OXSR1: variants seen among roughly 807,000 people sequenced by gnomAD.
OXSR1 encodes oxidative stress responsive kinase 1.
Under a neutral mutation model 79.8 loss-of-function variants are expected in OXSR1, and 24 were observed. That is an observed-to-expected ratio of 0.30 (90% CI 0.22 to 0.42). The LOEUF (loss-of-function observed/expected upper bound fraction) is 0.42, where lower values mean the gene tolerates loss of function less well. OXSR1 is among the 10% of genes least tolerant of loss of function. The pLI, the probability that OXSR1 is intolerant of heterozygous loss-of-function variation, is 1.00. For missense variants in OXSR1, 430 were observed against 618.4 expected (o/e 0.70, Z 3.23); for synonymous variants, 226 against 209.2 (o/e 1.08, Z -0.69).
chr3:38,231,214 A>G (rs1702799515), intron 10 of OXSR1, among the ~76,000 whole-genome samples: 1 of 152,190 alleles, frequency 6.6e-6, no homozygotes, highest in African/African-American at 2.4e-5. Flanking sequence ...ATGTATATTA[A>G]ATACTTGGAA....
chr3:38,223,097 A>G (rs1702620725), intron 6 of OXSR1, among the ~76,000 whole-genome samples: 1 of 152,126 alleles, frequency 6.6e-6, no homozygotes, highest in Non-Finnish European at 1.5e-5. Flanking sequence ...AAGCTTATGA[A>G]CACTTTCATT....
Position 38,230,412 on chromosome 3 carries a change from T to G in OXSR1, c.933T>G (p.Ile311Met), listed in dbSNP as rs142820192. ...QEKTLQRAPT[I>M]SERAKKVRRV... ...AAACATTGCAGAGAGCACCAACCAT[T>G]TCTGAAAGAGCAAAAAAGGTAAATC... Residue 311 changes from isoleucine to methionine, a missense_variant, in exon 10 of 18, where the codon ATT (isoleucine) becomes ATG (methionine). Physicochemically the swap from Ile to Met is conservative, Grantham distance 10 (BLOSUM62 1). This residue lies in a region of OXSR1 where 276 missense variants were observed against 354.2 expected (regional missense o/e 0.78). Transcript: ENST00000311806. The G allele has an allele frequency of 6.1e-5, 97 of 1,601,716 alleles. No homozygotes were observed. The highest frequency in any genetic ancestry group is 8.1e-5 in the Non-Finnish European group (95 of 1,170,032).
chr3:38,190,772 T>C lies in OXSR1; in HGVS notation c.225T>C (p.Ile75=), dbSNP rs1184331334. ...QAMSQCHHPN[I]VSYYTSFVVK... ...TGAGTCAATGCCATCATCCTAATAT[T>C]GTATCTTACTACACATCTTTTGTGG... The change falls in exon 3 of 18, where the codon ATT becomes ATC. Residue 75 remains isoleucine, a synonymous_variant. Coordinates refer to ENST00000311806, the MANE Select transcript of OXSR1 (RefSeq NM_005109.3). 6.2e-7 allele frequency: 1 copy of C among 1,608,722 alleles called. No individual in the cohort carries two copies. Among genetic ancestry groups the C allele is most frequent in the Non-Finnish European group, 8.5e-7 (1 of 1,175,292 alleles).
At chr3:38,246,001 G>C in intron 12 of OXSR1, 74 bp from the exon 13 acceptor site, 1 of 1,355,276 alleles carries the variant, frequency 7.4e-7, no homozygotes, top group East Asian at 2.3e-5. Context: ...ACCCTGAAAG[G>C]CTGAACTTGC....
chr3:38,216,265 A>T, intron 5 of OXSR1, 114 bp downstream of exon 5: 1 of 666,202 alleles, frequency 1.5e-6, no homozygotes, highest in Non-Finnish European at 2.6e-6. Flanking sequence ...TCTCTATTCA[A>T]GCATCCTCTG....
intron 14 of OXSR1, 74 bp from the exon 15 acceptor site, chr3:38,249,892 T>C: frequency 1.1e-6 from 1 of 889,840 alleles, no homozygotes; most frequent in South Asian, 1.4e-5. Context: ...CACAGCTTTC[T>C]TAATATATGT....
intron 8 of OXSR1, among the ~76,000 whole-genome samples, chr3:38,226,709 G>A (rs1702696225): frequency 1.3e-5 from 2 of 151,846 alleles, no homozygotes; most frequent in Admixed American, 6.6e-5. Context: ...CCCAAATCGA[G>A]GAATATGCAG....
chr3:38,180,015 G>A (rs1269518882), intron 1 of OXSR1, among the ~76,000 whole-genome samples: 1 of 152,044 alleles, frequency 6.6e-6, no homozygotes, highest in Non-Finnish European at 1.5e-5. Flanking sequence ...CACTATGTTG[G>A]CCAGATGGTG....
intron 1 of OXSR1, among the ~76,000 whole-genome samples, chr3:38,172,039 A>G (rs1286244201): frequency 6.6e-6 from 1 of 152,166 alleles, no homozygotes; most frequent in Non-Finnish European, 1.5e-5. Flanking sequence ...GATTGAGTGT[A>G]ATTATTTGTG....
intron 2 of OXSR1, among the ~76,000 whole-genome samples, chr3:38,189,801 A>G (rs1246837569): frequency 6.6e-6 from 1 of 152,238 alleles, no homozygotes; most frequent in Non-Finnish European, 1.5e-5. Flanking sequence ...AGGCAATTAT[A>G]GTATAGTCAG....
chr3:38,215,489 C>T (rs988772276), intron 4 of OXSR1, among the ~76,000 whole-genome samples: 3 of 152,148 alleles, frequency 2.0e-5, no homozygotes, highest in African/African-American at 4.8e-5. Context: ...ATATTGTTTA[C>T]ATTGGGAGAA....
chr3:38,223,943 G>C (rs1559519470), intron 7 of OXSR1, 30 bp downstream of exon 7: 2 of 1,349,338 alleles, frequency 1.5e-6, no homozygotes, highest in Admixed American at 2.0e-5. Context: ...TACTACCCCA[G>C]CTCAAGTCCC....
At position 38,253,572 on chromosome 3, in the gene OXSR1, T is replaced by C. The variant is rs1446238147; in HGVS notation, c.*681T>C. 1 of 152,710 alleles carries C rather than the reference T, an allele frequency of 6.5e-6. No individual in the cohort carries two copies. Among genetic ancestry groups the C allele is most frequent in the Non-Finnish European group, 1.5e-5 (1 of 68,088 alleles). 9.5% of individuals were successfully genotyped at this position (152,710 alleles called of 1,614,324 possible). On this transcript the variant is annotated 3_prime_UTR_variant, in exon 18 of 18. Transcript: ENST00000311806. The stretch of plus-strand genomic sequence containing the variant: ...TCAGCTGGTGCAAAACATCTGACTG[T>C]AGCCGAACTTCAGCCATCAGATCCT...
chr3:38,210,301 T>C (rs539420366), intron 4 of OXSR1, among the ~76,000 whole-genome samples: 1 of 152,176 alleles, frequency 6.6e-6, no homozygotes, highest in Non-Finnish European at 1.5e-5. Flanking sequence ...GAAGGCTTGA[T>C]GGGACTGAGA....
intron 15 of OXSR1, 163 bp downstream of exon 15, chr3:38,250,181 C>A (rs1429072558): frequency 5.1e-6 from 3 of 589,990 alleles, no homozygotes; most frequent in Non-Finnish European, 9.1e-6. Context: ...AGTTCGTTGA[C>A]TACTAAACAC....
chr3:38,177,540 A>G (rs990225755), intron 1 of OXSR1, among the ~76,000 whole-genome samples: 3 of 152,192 alleles, frequency 2.0e-5, no homozygotes, highest in African/African-American at 4.8e-5. Context: ...AATGCTAAAT[A>G]TGTTCTTTTC....
intron 11 of OXSR1, among the ~76,000 whole-genome samples, 161 bp from the exon 12 acceptor site, chr3:38,242,582 G>A (rs1200824770): frequency 6.6e-6 from 1 of 152,160 alleles, no homozygotes; most frequent in Non-Finnish European, 1.5e-5. Context: ...TATCATGACA[G>A]TTATTTTTTC....
At chr3:38,205,886 T>C (rs1702255943) in intron 4 of OXSR1, among the ~76,000 whole-genome samples, 1 of 152,208 alleles carries the variant, frequency 6.6e-6, no homozygotes, top group South Asian at 2.1e-4. Flanking sequence ...TCCAGAGCAC[T>C]GAAATGGTTG....
intron 12 of OXSR1, among the ~76,000 whole-genome samples, chr3:38,245,489 A>G (rs1466990263): frequency 1.3e-5 from 2 of 152,214 alleles, no homozygotes; most frequent in Non-Finnish European, 2.9e-5. Flanking sequence ...CAAAGTCCTC[A>G]TGCATGGAAA....
Sources: allele counts gnomAD v4.1 joint callset (sites outside exome capture counted in the v4.1 genomes callset), GRCh38; gene constraint gnomAD v4.1.1; regional missense constraint gnomAD v4.1.1; transcripts MANE v1.5; gene names NCBI Gene and HGNC (gene_info 2026-07-23, HGNC 2026-07-21).